The following GRAMD1C variants were observed in gnomAD, a reference collection of about 807,000 sequenced individuals.
GRAMD1C encodes GRAM domain containing 1C, also known as protein Aster-C.
In GRAMD1C, 89 loss-of-function variants were observed where a neutral mutation model predicts 97.8. The observed-to-expected ratio is 0.91, with a 90% CI of 0.77 to 1.09. GRAMD1C has a LOEUF of 1.09. Among genes scored for constraint, GRAMD1C ranks in the 50% least tolerant of loss-of-function variants. GRAMD1C has a pLI of 0.00. For missense variants in GRAMD1C, 740 were observed against 766.4 expected (o/e 0.97, Z 0.41); for synonymous variants, 256 against 267.0 (o/e 0.96, Z 0.40).
At chr3:113,934,918 A>G (rs905358480) in intron 13 of GRAMD1C, among the ~76,000 whole-genome samples, 3 of 152,026 alleles carry the variant, frequency 2.0e-5, no homozygotes, top group African/African-American at 7.2e-5. Flanking sequence ...TAATTTTTGT[A>G]TTATTAGTAG....
At position 113,930,794 on chromosome 3, in the gene GRAMD1C, C is replaced by A. The variant is rs762193462; in HGVS notation, c.1171C>A (p.Pro391Thr). 1.2e-6 allele frequency: 2 copies of A among 1,609,088 alleles called. No individual in the cohort carries two copies. Among genetic ancestry groups the A allele is most frequent in the South Asian group, 1.1e-5 (1 of 90,976 alleles). The change falls in exon 11 of 18, where the codon CCA (proline) becomes ACA (threonine). Residue 391 changes from proline to threonine, a missense_variant. Transcript: ENST00000358160. ...TMTYTIVLNS[P>T]LTGKCTAATE... ...GACCTACACTATAGTCCTTAATAGT[C>A]CACTTACTGGAAAATGCACTGCTGC...
intron 17 of GRAMD1C, among the ~76,000 whole-genome samples, chr3:113,941,620 A>ATTTT (rs11378575): frequency 6.5e-5 from 9 of 139,508 alleles, no homozygotes; most frequent in Non-Finnish European, 9.2e-5. Flanking sequence ...TGGTGTTGCA[A>ATTTT]TTTTTTTTTT....
At position 113,876,882 on chromosome 3, in the gene GRAMD1C, G is replaced by A. The variant is rs535086760; in HGVS notation, c.459+622G>A. 6.6e-5 allele frequency among the ~76,000 whole-genome samples: 10 copies of A among 151,918 alleles called. No homozygotes were observed. The East Asian group carries it at 1.9e-3, about 29-fold the overall frequency. On this transcript the variant is annotated intron_variant, in intron 5 of 17. Transcript: ENST00000358160. ...AAAGGAAAGAGAAAAAAAGAGGAGG[G>A]GTAGGGAGGGAGAAAAAGAGACAGG...
chr3:113,859,647 A>T (rs1429170750), intron 2 of GRAMD1C, among the ~76,000 whole-genome samples: 1 of 152,214 alleles, frequency 6.6e-6, no homozygotes, highest in Non-Finnish European at 1.5e-5. Flanking sequence ...CTCAAGAAGA[A>T]AGAGAAAATC....
intron 6 of GRAMD1C, among the ~76,000 whole-genome samples, chr3:113,886,214 TG>T (rs1272570506): frequency 1.3e-5 from 2 of 152,148 alleles, no homozygotes; most frequent in African/African-American, 4.8e-5. Flanking sequence ...ACACATGGGC[TG>T]GGGGCTCTGA....
In GRAMD1C at chr3:113,933,204, A is replaced by T. The variant is rs113050419; in HGVS notation, c.1210-307A>T. On this transcript the variant is annotated intron_variant, in intron 11 of 17. Coordinates refer to ENST00000358160, the MANE Select transcript of GRAMD1C (RefSeq NM_017577.5). ...CTGGCCTAATTTTTTATTAAAAAAAATTTTTTTTGTAGAGGCTGGGTGTTT... is the reference window on the plus strand; with the variant it reads ...CTGGCCTAATTTTTTATTAAAAAAATTTTTTTTTGTAGAGGCTGGGTGTTT... 1.9e-3 allele frequency among the ~76,000 whole-genome samples: 285 copies of T among 151,460 alleles called. 1 individual carries two copies. Among genetic ancestry groups the T allele is most frequent in the South Asian group, 7.7e-3 (37 of 4,782 alleles).
intron 10 of GRAMD1C, among the ~76,000 whole-genome samples, chr3:113,923,389 T>C (rs1016847064): frequency 1.3e-5 from 2 of 152,186 alleles, no homozygotes; most frequent in African/African-American, 4.8e-5. Flanking sequence ...TTCAGTATGA[T>C]GTTGGCTGTG....
chr3:113,926,168 C>T (rs1277876526), intron 10 of GRAMD1C, among the ~76,000 whole-genome samples: 1 of 152,142 alleles, frequency 6.6e-6, no homozygotes, highest in Non-Finnish European at 1.5e-5. Flanking sequence ...TGTTTTCTAT[C>T]CCTGTCTTTC....
intron 1 of GRAMD1C, among the ~76,000 whole-genome samples, chr3:113,839,455 GC>G (rs373647079): frequency 2.4e-3 from 368 of 152,310 alleles, no homozygotes; most frequent in African/African-American, 8.5e-3. Flanking sequence ...TGTTGGACGG[GC>G]GCCTGCGTTT....
chr3:113,936,813 C>G (rs565596695), intron 14 of GRAMD1C: 325 of 158,814 alleles, frequency 2.0e-3, no homozygotes, highest in Non-Finnish European at 3.5e-3. Context: ...AGCCTCCTGC[C>G]TCAGCCTCCT....
rs66781755 is a variant in GRAMD1C, at chr3:113,838,940, AGCC to A, written c.27+7_27+9del. 1,235,524 of 1,241,692 alleles carry A rather than the reference AGCC, an allele frequency of 1. 614,933 individuals are homozygous for A. Among genetic ancestry groups the A allele is most frequent in the East Asian group, 1 (32,520 of 32,520 alleles). The allele number at this position is 1,241,692 out of a possible 1,614,324, so 76.9% of individuals were successfully genotyped here. Reference sequence around the variant, plus strand: ...GGGCGCTCCGACTGTCCGTCAGGTAAGCCGCGGGCCTCGCTGGGGCAGGTTCCC... The same window carrying A: ...GGGCGCTCCGACTGTCCGTCAGGTAAGCGGGCCTCGCTGGGGCAGGTTCCC... On this transcript the variant is annotated splice_donor_5th_base_variant and intron_variant, in intron 1 of 17. Transcript: ENST00000358160.
chr3:113,924,367 A>C (rs912496666), intron 10 of GRAMD1C, among the ~76,000 whole-genome samples: 2 of 151,828 alleles, frequency 1.3e-5, no homozygotes. Flanking sequence ...GTGATGTTAG[A>C]TTGTTATTTC....
At chr3:113,920,129 C>A in intron 10 of GRAMD1C, 6 of 1,396,976 alleles carry the variant, frequency 4.3e-6, no homozygotes, top group South Asian at 1.2e-5. Flanking sequence ...ACTGAGGAAA[C>A]AGAGAAAAAA....
At chr3:113,850,605 A>G in intron 2 of GRAMD1C, 1 of 1,607,634 alleles carries the variant, frequency 6.2e-7, no homozygotes, top group Non-Finnish European at 8.5e-7. Context: ...CATGACATGA[A>G]GGTTGGGCAC....
At chr3:113,871,744 C>CAAAAAAA (rs1179822586) in intron 3 of GRAMD1C, among the ~76,000 whole-genome samples, 2 of 65,434 alleles carry the variant, frequency 3.1e-5, no homozygotes, top group African/African-American at 8.1e-5. Flanking sequence ...GACTCTGTCT[C>CAAAAAAA]AAAAAAAAAA....
chr3:113,886,833 G>A (rs1935506852), intron 6 of GRAMD1C, among the ~76,000 whole-genome samples: 2 of 128,660 alleles, frequency 1.6e-5, no homozygotes, highest in South Asian at 5.3e-4. Flanking sequence ...CCAGGCTAGA[G>A]TGCTGTGGCC....
rs71144092 is a variant in GRAMD1C at position 113,843,049 on chromosome 3, G to GTTT, written c.28-1430_28-1428dup. 2.0e-3 allele frequency among the ~76,000 whole-genome samples: 106 copies of GTTT among 53,414 alleles called. 14 individuals carry two copies. Among genetic ancestry groups the GTTT allele is most frequent in the African/African-American group, 3.5e-3 (51 of 14,376 alleles). 35.0% of individuals were successfully genotyped at this position (53,414 alleles called of 152,430 possible). On this transcript the variant is annotated intron_variant, in intron 1 of 17. Transcript: ENST00000358160. Reference sequence around the variant, plus strand: ...TAAGGATCCTGGTCCACCATAAGCTGTTTTTTTTTTTTTTTTTTTTTTTTT... The same window carrying GTTT: ...TAAGGATCCTGGTCCACCATAAGCTGTTTTTTTTTTTTTTTTTTTTTTTTTTTT...
intron 6 of GRAMD1C, chr3:113,890,713 T>C (rs1349895656): frequency 1.4e-6 from 1 of 699,442 alleles, no homozygotes; most frequent in Non-Finnish European, 2.6e-6. Context: ...GGTTATATAC[T>C]GTATTGAATG....
intron 2 of GRAMD1C, among the ~76,000 whole-genome samples, chr3:113,867,096 T>A (rs1934613608): frequency 6.6e-6 from 1 of 152,176 alleles, no homozygotes; most frequent in Non-Finnish European, 1.5e-5. Flanking sequence ...CCCAAAGTGC[T>A]GGGATTACAG....
Sources: gnomAD v4.1 joint callset for allele counts (sites outside exome capture counted in the v4.1 genomes callset) on GRCh38, gnomAD v4.1.1 for gene constraint, MANE v1.5 for transcripts, NCBI Gene and HGNC (gene_info 2026-07-23, HGNC 2026-07-21) for gene names.